PLCB1: variants seen among roughly 807,000 people sequenced by gnomAD.
PLCB1 encodes the protein 1-phosphatidylinositol 4,5-bisphosphate phosphodiesterase beta-1.
PLCB1 carries 46 observed loss-of-function variants against 161.8 expected under a neutral mutation model. The observed-to-expected ratio is 0.28, with a 90% confidence interval of 0.22 to 0.36. PLCB1 has a LOEUF of 0.36. Ranked by LOEUF, PLCB1 falls within the 10% of genes least tolerant of loss-of-function variation. The probability of loss-of-function intolerance (pLI) is 1.00; values close to 1 mark genes in which losing one functional copy is unlikely to be tolerated. For missense variants in PLCB1, 1,016 were observed against 1,472.5 expected (o/e 0.69, Z 5.07); for synonymous variants, 517 against 503.7 (o/e 1.03, Z -0.35).
chr20:8,144,258 T>TTTTTC (rs1338985201), intron 1 of PLCB1, among the ~76,000 whole-genome samples: 2 of 152,108 alleles, frequency 1.3e-5, no homozygotes, highest in Admixed American at 1.3e-4. Flanking sequence ...AAATTATTGG[T>TTTTTC]TTTTCTCATC....
intron 26 of PLCB1, among the ~76,000 whole-genome samples, chr20:8,769,189 G>A (rs1982536062): frequency 6.6e-6 from 1 of 152,062 alleles, no homozygotes; most frequent in Non-Finnish European, 1.5e-5. Flanking sequence ...CAGATATTTA[G>A]TGAGCATTAA....
chr20:8,268,014 C>T (rs1038344557), intron 2 of PLCB1, among the ~76,000 whole-genome samples: 54 of 151,308 alleles, frequency 3.6e-4, no homozygotes, highest in South Asian at 6.3e-4. Context: ...ATGTGCACAA[C>T]GTGCAGGTTT....
chr20:8,488,623 ACAT>A (rs1982824943), intron 3 of PLCB1, among the ~76,000 whole-genome samples: 1 of 152,166 alleles, frequency 6.6e-6, no homozygotes, highest in Non-Finnish European at 1.5e-5. Flanking sequence ...ATTTCTCTAA[ACAT>A]GTTTAATTCA....
intron 2 of PLCB1, among the ~76,000 whole-genome samples, chr20:8,161,294 T>C (rs763654899): frequency 6.6e-6 from 1 of 152,234 alleles, no homozygotes; most frequent in East Asian, 1.9e-4. Context: ...ACATACATAG[T>C]GTGTGTATAC....
At chr20:8,532,163 G>T (rs6055883) in intron 3 of PLCB1, among the ~76,000 whole-genome samples, 3 of 151,978 alleles carry the variant, frequency 2.0e-5, no homozygotes, top group Non-Finnish European at 4.4e-5. Context: ...AATCTACATT[G>T]CCTACCTTTT....
chr20:8,445,528 G>A (rs867192380), intron 3 of PLCB1, among the ~76,000 whole-genome samples: 231 of 151,916 alleles, frequency 1.5e-3, no homozygotes, highest in African/African-American at 5.3e-3. Context: ...TTGGCAATGC[G>A]GGCTCTTTTT....
In PLCB1 at chr20:8,795,181, T is replaced by C. The variant is rs145443737; in HGVS notation, c.3423+4920T>C. On this transcript the variant is annotated intron_variant, in intron 31 of 31. Coordinates refer to ENST00000338037, the MANE Select transcript of PLCB1 (RefSeq NM_015192.4). The stretch of plus-strand genomic sequence containing the variant: ...AAGTTTATTTTAGATTGTCCCACTT[T>C]GTGACATGCACTAGGATCTTTTCAT... 7.7e-3 allele frequency among the ~76,000 whole-genome samples: 1,176 copies of C among 152,312 alleles called. 15 individuals carry two copies. Among genetic ancestry groups the C allele is most frequent in the African/African-American group, 0.027 (1,131 of 41,568 alleles).
intron 2 of PLCB1, 120 bp downstream of exon 2, chr20:8,150,491 G>T (rs916466327): frequency 5.3e-5 from 26 of 486,908 alleles, no homozygotes; most frequent in African/African-American, 4.8e-4. Flanking sequence ...TTATTTAAAG[G>T]TTCTACTTTT....
At chr20:8,174,571 C>T (rs6039064) in intron 2 of PLCB1, among the ~76,000 whole-genome samples, 1 of 152,136 alleles carries the variant, frequency 6.6e-6, no homozygotes, top group Admixed American at 6.5e-5. Flanking sequence ...ATAGACCATC[C>T]TATGCCTCAA....
At position 8,195,968 on chromosome 20, in the gene PLCB1, A is replaced by G. The variant is rs561260892; in HGVS notation, c.177+45597A>G. On this transcript the variant is annotated intron_variant, in intron 2 of 31. Coordinates refer to ENST00000338037, the MANE Select transcript of PLCB1 (RefSeq NM_015192.4). ...GCTGGGGAGGCCTCTGGAAACTTAC[A>G]ATCATGGTGCAAGGTACCTCTTCAC... Among the ~76,000 whole-genome samples the G allele has an allele frequency of 4.6e-5, 7 of 152,240 alleles. No homozygotes were observed. The South Asian group carries it at 1.4e-3, about 32-fold the overall frequency.
intron 2 of PLCB1, among the ~76,000 whole-genome samples, chr20:8,254,121 A>G (rs943959142): frequency 6.6e-6 from 1 of 152,026 alleles, no homozygotes; most frequent in South Asian, 2.1e-4. Context: ...GCTATATTGT[A>G]CACATTTCAG....
intron 2 of PLCB1, among the ~76,000 whole-genome samples, chr20:8,192,747 G>T (rs6055625): frequency 0.22 from 33,067 of 151,718 alleles, 3,764 homozygotes; most frequent in African/African-American, 0.28. Flanking sequence ...TGGATAGGTA[G>T]AAAGGAGGGA....
At position 8,788,703 on chromosome 20, in the gene PLCB1, G is replaced by A; in HGVS notation, c.3259G>A (p.Asp1087Asn). 6.2e-7 allele frequency: 1 copy of A among 1,609,314 alleles called. No individual in the cohort carries two copies. The highest frequency in any genetic ancestry group is 8.5e-7 in the Non-Finnish European group (1 of 1,177,436). The stretch of plus-strand genomic sequence containing the variant: ...GAAGATAACAGAAGCTAAATCCAAA[G>A]ACAAAAGTCAGATGGAAGAGTAAGT... Reference protein sequence around the residue: ...QEKITEAKSKDKSQMEEEKTE... With the variant: ...QEKITEAKSKNKSQMEEEKTE... The change falls in exon 29 of 32, where the codon GAC (aspartate) becomes AAC (asparagine). Residue 1087 changes from aspartate to asparagine, a missense_variant. Physicochemically the swap from Asp to Asn is conservative, Grantham distance 23. Transcript: ENST00000338037.
chr20:8,788,096 T>C (rs926733027), intron 27 of PLCB1, among the ~76,000 whole-genome samples: 2 of 152,186 alleles, frequency 1.3e-5, no homozygotes, highest in African/African-American at 4.8e-5. Context: ...AAATGTAGGG[T>C]CTTGCCCCAA....
intron 3 of PLCB1, among the ~76,000 whole-genome samples, chr20:8,579,462 C>G (rs1027849216): frequency 6.6e-6 from 1 of 152,234 alleles, no homozygotes; most frequent in African/African-American, 2.4e-5. Context: ...TAAACAACTA[C>G]TTATTGTTCC....
chr20:8,480,629 A>G lies in PLCB1; in HGVS notation c.246+109179A>G, dbSNP rs529190391. On this transcript the variant is annotated intron_variant, in intron 3 of 31. Coordinates refer to ENST00000338037, the MANE Select transcript of PLCB1 (RefSeq NM_015192.4). ...GGGTTTCCTGTCAAGTCCTCCAGGT[A>G]CTATCCAGATGCTCCCCCAGGATCT... Among the ~76,000 whole-genome samples, 113 of 152,282 alleles carry G rather than the reference A, an allele frequency of 7.4e-4. 1 individual carries two copies. The highest frequency in any genetic ancestry group is 3.4e-3 in the Middle Eastern group (1 of 294).
rs1254762101 is a variant in PLCB1, at chr20:8,207,142, TATG to T, written c.177+56774_177+56776del. Among the ~76,000 whole-genome samples the T allele has an allele frequency of 3.9e-5, 6 of 151,914 alleles. 1 individual carries two copies. Among genetic ancestry groups the T allele is most frequent in the African/African-American group, 1.5e-4 (6 of 41,328 alleles). ...TCCTTTAAATTCTCTTCTGCTGTTA[TATG>T]ATATTTATAAAATTTTAAAAGTGCA... On this transcript the variant is annotated intron_variant, in intron 2 of 31. Coordinates refer to ENST00000338037, the MANE Select transcript of PLCB1 (RefSeq NM_015192.4).
chr20:8,286,246 C>A (rs1983117404), intron 2 of PLCB1, among the ~76,000 whole-genome samples: 1 of 152,172 alleles, frequency 6.6e-6, no homozygotes, highest in Non-Finnish European at 1.5e-5. Flanking sequence ...ATCGCTTGAA[C>A]CCTGAAGGCA....
intron 31 of PLCB1, among the ~76,000 whole-genome samples, chr20:8,830,167 A>G (rs1985913689): frequency 6.6e-6 from 1 of 152,196 alleles, no homozygotes; most frequent in Non-Finnish European, 1.5e-5. Flanking sequence ...AACTCTTAGA[A>G]ATCATAGGAA....
Sources: allele counts gnomAD v4.1 joint callset (sites outside exome capture counted in the v4.1 genomes callset), GRCh38; gene constraint gnomAD v4.1.1; transcripts MANE v1.5; gene names NCBI Gene and HGNC (gene_info 2026-07-23, HGNC 2026-07-21).